Variants in ALG9 observed in about 807,000 individuals in gnomAD.
The protein encoded by ALG9 is ALG9 alpha-1,2-mannosyltransferase.
In ALG9, 55 loss-of-function variants were observed where a neutral mutation model predicts 81.8. That is an observed-to-expected ratio of 0.67 (90% CI 0.54 to 0.84). The LOEUF (loss-of-function observed/expected upper bound fraction) is 0.84, where lower values mean the gene tolerates loss of function less well. ALG9 is among the 40% of genes least tolerant of loss of function. The probability of loss-of-function intolerance (pLI) is 0.00; values close to 1 mark genes in which losing one functional copy is unlikely to be tolerated. For synonymous variants in ALG9, 278 were observed against 274.3 expected (o/e 1.01, Z -0.13); for missense variants, 629 against 745.0 (o/e 0.84, Z 1.81).
intron 13 of ALG9, among the ~76,000 whole-genome samples, chr11:111,835,020 A>T (rs967936052): frequency 9.2e-5 from 14 of 152,316 alleles, no homozygotes; most frequent in Non-Finnish European, 2.1e-4. Context: ...TCACTCATAA[A>T]CCCTGAGGGT....
chr11:111,848,395 C>T (rs782213680), intron 8 of ALG9, among the ~76,000 whole-genome samples: 9 of 151,968 alleles, frequency 5.9e-5, no homozygotes, highest in African/African-American at 9.7e-5. Context: ...AGGAACAGTT[C>T]GTGACCAGCT....
intron 9 of ALG9, among the ~76,000 whole-genome samples, chr11:111,844,114 C>T (rs1055834704): frequency 2.0e-5 from 3 of 152,150 alleles, no homozygotes; most frequent in Non-Finnish European, 4.4e-5. Context: ...AAACGATTCT[C>T]CTGCCTCAGC....
intron 14 of ALG9, among the ~76,000 whole-genome samples, chr11:111,795,253 A>G (rs1948079809): frequency 6.6e-6 from 1 of 152,192 alleles, no homozygotes; most frequent in South Asian, 2.1e-4. Context: ...CACCCTTCTT[A>G]CAATATTCAT....
intron 8 of ALG9, among the ~76,000 whole-genome samples, chr11:111,848,552 T>G (rs1376935729): frequency 7.2e-6 from 1 of 138,662 alleles, no homozygotes; most frequent in East Asian, 2.1e-4. Flanking sequence ...GTCACCCCAC[T>G]GCACTCCAGC....
At chr11:111,814,314 T>C (rs1373877771) in intron 13 of ALG9, among the ~76,000 whole-genome samples, 1 of 152,120 alleles carries the variant, frequency 6.6e-6, no homozygotes, top group Admixed American at 6.5e-5. Flanking sequence ...GGGACACATG[T>C]AAAAGTCATA....
the ALG9 span, among the ~76,000 whole-genome samples, chr11:111,775,450 C>T: frequency 1.3e-5 from 2 of 152,206 alleles, no homozygotes; most frequent in Non-Finnish European, 2.9e-5. Context: ...TCAACTCCCT[C>T]TCTGATTTAG....
intron 13 of ALG9, among the ~76,000 whole-genome samples, chr11:111,826,104 G>T (rs1242807504): frequency 1.5e-4 from 7 of 46,376 alleles, no homozygotes. Context: ...AATAATATGC[G>T]GCCAGGTGCA....
At chr11:111,833,617 C>T (rs1954753321) in intron 13 of ALG9, among the ~76,000 whole-genome samples, 1 of 152,146 alleles carries the variant, frequency 6.6e-6, no homozygotes, top group African/African-American at 2.4e-5. Context: ...AACCTGCCAC[C>T]CAGAGCTAAA....
At chr11:111,842,695 A>T (rs1359259017) in intron 9 of ALG9, among the ~76,000 whole-genome samples, 1 of 152,008 alleles carries the variant, frequency 6.6e-6, no homozygotes, top group Admixed American at 6.6e-5. Flanking sequence ...AAATACTGGG[A>T]TTATAGGCAT....
Position 111,791,226 on chromosome 11 carries a change from G to T in ALG9, c.1734-4706C>A, listed in dbSNP as rs532642351. Among the ~76,000 whole-genome samples the T allele has an allele frequency of 7.9e-4, 121 of 152,218 alleles. No individual in the cohort carries two copies. The Middle Eastern group carries it at 0.01, about 13-fold the overall frequency. On this transcript the variant is annotated intron_variant, in intron 14 of 14. Transcript: ENST00000616540. ...GATATATAAGTCTCTCTTCTCAAAG[G>T]GCTAATAAGCTAATTGGGTAGAAAC... is the stretch of plus-strand genomic sequence containing the variant.
rs777610461 is a variant in ALG9, at chr11:111,857,709, G to A, written c.594C>T (p.Tyr198=). The A allele has an allele frequency of 1.3e-5, 21 of 1,613,994 alleles. No homozygotes were observed. Among genetic ancestry groups the A allele is most frequent in the Non-Finnish European group, 1.6e-5 (19 of 1,180,008 alleles). Residue 198 remains tyrosine (Y), a synonymous_variant, in exon 6 of 15, where the codon TAC becomes TAT. Coordinates refer to ENST00000616540, the MANE Select transcript of ALG9 (RefSeq NM_024740.2). ...ATCCAGTCATGGCTATCAACGTAGTGTACATACAGAAGCTACTAGGAAGGA... is the reference window on the plus strand; with the variant it reads ...ATCCAGTCATGGCTATCAACGTAGTATACATACAGAAGCTACTAGGAAGGA... ...SAFLPSSFCM[Y]TTLIAMTGWY... is the part of the protein sequence containing the mutation.
intron 13 of ALG9, among the ~76,000 whole-genome samples, chr11:111,812,915 C>CAAAAAAAAAAAAAAAAAA (rs57311061): frequency 1.0e-5 from 1 of 98,770 alleles, no homozygotes; most frequent in Admixed American, 1.1e-4. Context: ...GACTCTGTCT[C>CAAAAAAAAAAAAAAAAAA]AAAAAAAAAA....
chr11:111,811,968 T>C (rs1950787446), intron 13 of ALG9, among the ~76,000 whole-genome samples: 1 of 152,328 alleles, frequency 6.6e-6, no homozygotes, highest in South Asian at 2.1e-4. Context: ...AATTGTATGC[T>C]TTAAAATGAT....
chr11:111,814,791 T>A (rs1951237864), intron 13 of ALG9: 1 of 152,180 alleles, frequency 6.6e-6, no homozygotes, highest in South Asian at 2.1e-4. Context: ...CTAAAAATGA[T>A]CCTTTGCATA....
intron 9 of ALG9, among the ~76,000 whole-genome samples, chr11:111,841,363 C>T (rs1555123672): frequency 2.0e-5 from 3 of 152,164 alleles, no homozygotes; most frequent in Non-Finnish European, 4.4e-5. Context: ...TCAAGGCAAA[C>T]ATAAAAATGC....
At chr11:111,857,566 C>T in intron 6 of ALG9, 36 bp downstream of exon 6, 1 of 1,613,728 alleles carries the variant, frequency 6.2e-7, no homozygotes, top group Non-Finnish European at 8.5e-7. Context: ...ACTATATGCC[C>T]AGCGATATAT....
intron 4 of ALG9, among the ~76,000 whole-genome samples, chr11:111,863,506 T>C (rs923786209): frequency 7.9e-5 from 12 of 152,328 alleles, no homozygotes; most frequent in Non-Finnish European, 1.0e-4. Context: ...TTACTTTTTT[T>C]CCCTCCACTC....
intron 10 of ALG9, among the ~76,000 whole-genome samples, chr11:111,840,343 G>C (rs1470104934): frequency 6.6e-6 from 1 of 152,162 alleles, no homozygotes; most frequent in Non-Finnish European, 1.5e-5. Context: ...GTTTTGTTAT[G>C]ATCTAGCAGT....
chr11:111,804,126 C>T (rs1316766559), intron 14 of ALG9, among the ~76,000 whole-genome samples: 1 of 98,464 alleles, frequency 1.0e-5, no homozygotes, highest in Non-Finnish European at 1.9e-5. Context: ...GAGTAAGACT[C>T]CATCTCAAAA....
Sources: gnomAD v4.1 joint callset for allele counts (sites outside exome capture counted in the v4.1 genomes callset) on GRCh38, gnomAD v4.1.1 for gene constraint, MANE v1.5 for transcripts, NCBI Gene and HGNC (gene_info 2026-07-23, HGNC 2026-07-21) for gene names.